Variants in TRAIP observed in about 807,000 individuals in gnomAD.
TRAIP encodes TRAF interacting protein.
A neutral mutation model predicts 65.0 loss-of-function variants in TRAIP; 37 were observed. The observed-to-expected ratio is 0.57, with a 90% CI of 0.44 to 0.75. The LOEUF (loss-of-function observed/expected upper bound fraction) is 0.75, where lower values mean the gene tolerates loss of function less well. Among genes scored for constraint, TRAIP ranks in the 30% least tolerant of loss-of-function variants. The pLI is 0.00. For synonymous variants in TRAIP, 187 were observed against 219.1 expected, an observed-to-expected ratio of 0.85 and a Z score of 1.29; for missense variants, 481 against 579.4, an observed-to-expected ratio of 0.83 and a Z score of 1.74.
chr3:49,837,101 A>G (rs1285478348), intron 10 of TRAIP, among the ~76,000 whole-genome samples: 2 of 151,626 alleles, frequency 1.3e-5, no homozygotes, highest in Non-Finnish European at 2.9e-5. Context: ...GGCCCAAGAA[A>G]ACTTAAGACT....
chr3:49,838,262 A>G (rs939922093), intron 10 of TRAIP, among the ~76,000 whole-genome samples: 2 of 152,238 alleles, frequency 1.3e-5, no homozygotes, highest in Admixed American at 1.3e-4. Flanking sequence ...CCCAGCTTAC[A>G]GAAGAAGGCT....
At chr3:49,846,584 T>C (rs1398464563) in intron 3 of TRAIP, among the ~76,000 whole-genome samples, 1 of 152,160 alleles carries the variant, frequency 6.6e-6, no homozygotes, top group Non-Finnish European at 1.5e-5. Context: ...GGGTTTACAG[T>C]CAAGCAGCTC....
At chr3:49,839,662 A>C (rs1676563005) in intron 10 of TRAIP, 110 bp downstream of exon 10, 1 of 992,730 alleles carries the variant, frequency 1.0e-6, no homozygotes. Context: ...CTGTCTGCAG[A>C]CATCAGGTCC....
intron 10 of TRAIP, among the ~76,000 whole-genome samples, chr3:49,838,170 C>A (rs1190103211): frequency 6.6e-6 from 1 of 152,200 alleles, no homozygotes; most frequent in African/African-American, 2.4e-5. Context: ...ACCCAGCCAA[C>A]CACTTCAATA....
At chr3:49,839,690 C>T (rs1433241095) in intron 10 of TRAIP, 82 bp downstream of exon 10, 5 of 1,324,814 alleles carry the variant, frequency 3.8e-6, no homozygotes, top group Non-Finnish European at 5.4e-6. Flanking sequence ...TCACCCACCC[C>T]ACCAAAGCCA....
intron 1 of TRAIP, among the ~76,000 whole-genome samples, chr3:49,854,781 G>A (rs2081957986): frequency 6.6e-6 from 1 of 152,164 alleles, no homozygotes; most frequent in Non-Finnish European, 1.5e-5. Context: ...CCAAGGCTGG[G>A]TGCGGTGGTT....
At position 49,839,910 on chromosome 3, in the gene TRAIP, C is replaced by T. The variant is rs762191331; in HGVS notation, c.796-50G>A. On this transcript the variant is annotated intron_variant, in intron 9 of 14. Transcript: ENST00000331456. The stretch of plus-strand genomic sequence containing the variant: ...TGAGAGAAAGGCTGAGGCATCAAGT[C>T]CGGAGATAATGCAGAGGACATGAGC... 9 of 1,572,450 alleles carry T rather than the reference C, an allele frequency of 5.7e-6. 1 individual carries two copies. In the East Asian group the frequency reaches 2.0e-4, roughly 35 times the overall value.
Position 49,829,641 on chromosome 3 carries a change from TG to T in TRAIP, c.1211del (p.Ser404Ter). ...LGQKQPKRPRSESSCSKDVVR... is the reference protein window; with the variant it reads ...LGQKQPKRPRXESSCSKDVVR... Reference sequence around the variant, plus strand: ...CCACATCTTTGCTGCAAGAGGACTCTGACCTGGGCCTCTTGGGCTGTTTCTG... The same window carrying T: ...CCACATCTTTGCTGCAAGAGGACTCTACCTGGGCCTCTTGGGCTGTTTCTG... On this transcript the variant is annotated frameshift_variant, in exon 13 of 15. Transcript: ENST00000331456. LOFTEE classifies it high-confidence loss of function. 6.2e-7 allele frequency: 1 copy of T among 1,614,178 alleles called. No individual in the cohort carries two copies.
chr3:49,829,992 G>C, intron 12 of TRAIP, 28 bp downstream of exon 12: 1 of 1,613,974 alleles, frequency 6.2e-7, no homozygotes, highest in Non-Finnish European at 8.5e-7. Flanking sequence ...CCAAAGGTTA[G>C]ACTGTGCTTC....
At chr3:49,839,580 CCT>C (rs1487943443) in intron 10 of TRAIP, 190 bp downstream of exon 10, 1 of 603,844 alleles carries the variant, frequency 1.7e-6, no homozygotes, top group African/African-American at 1.9e-5. Context: ...CCTTCTCTGG[CCT>C]CTCCGTGTCA....
At chr3:49,852,521 C>T (rs1402518378) in intron 1 of TRAIP, among the ~76,000 whole-genome samples, 3 of 152,040 alleles carry the variant, frequency 2.0e-5, no homozygotes, top group Admixed American at 6.5e-5. Flanking sequence ...TTTGGGAGGC[C>T]GAGGCAGGCA....
rs549204166 is a variant in TRAIP, at chr3:49,835,135, G to A, written c.885-3067C>T. Among the ~76,000 whole-genome samples the A allele has an allele frequency of 4.5e-4, 69 of 152,308 alleles. 1 individual carries two copies. The highest frequency in any genetic ancestry group is 2.9e-3 in the South Asian group (14 of 4,828). Reference sequence around the variant, plus strand: ...AGGTGGGAGGATCCCTTGAACCCAGGGGGTGGAGGTTGCAGTGAGCCGAGA... The same window carrying A: ...AGGTGGGAGGATCCCTTGAACCCAGAGGGTGGAGGTTGCAGTGAGCCGAGA... On this transcript the variant is annotated intron_variant, in intron 10 of 14. Transcript: ENST00000331456.
intron 1 of TRAIP, among the ~76,000 whole-genome samples, chr3:49,850,202 C>CTG (rs1553619634): frequency 6.6e-6 from 1 of 151,656 alleles, no homozygotes; most frequent in Non-Finnish European, 1.5e-5. Flanking sequence ...TCTATTTACA[C>CTG]AGTTTAAAAG....
chr3:49,843,971 C>T (rs1197817664), intron 4 of TRAIP, 43 bp from the exon 5 acceptor site: 5 of 1,567,724 alleles, frequency 3.2e-6, no homozygotes, highest in Non-Finnish European at 3.5e-6. Flanking sequence ...AAGGCCTGTC[C>T]ATCCATCAGC....
intron 8 of TRAIP, among the ~76,000 whole-genome samples, chr3:49,840,714 G>A (rs933803778): frequency 5.9e-5 from 9 of 152,254 alleles, no homozygotes; most frequent in African/African-American, 1.7e-4. Context: ...TCTCCAGCCA[G>A]CTGAGAGGTA....
intron 10 of TRAIP, among the ~76,000 whole-genome samples, chr3:49,836,500 A>G (rs2081788154): frequency 6.6e-6 from 1 of 150,606 alleles, no homozygotes; most frequent in South Asian, 2.1e-4. Context: ...CAAAAAAAAG[A>G]AAAGAAAAGA....
At chr3:49,833,627 C>A (rs1426447495) in intron 10 of TRAIP, among the ~76,000 whole-genome samples, 3 of 151,976 alleles carry the variant, frequency 2.0e-5, no homozygotes, top group Non-Finnish European at 4.4e-5. Context: ...CTACAGGCGC[C>A]CGCCACCACG....
rs764568621 is a variant in TRAIP, at chr3:49,830,044, C to T, written c.1062G>A (p.Lys354=). ...KSHSPIQDVP[K]KICKGPRKES... is the part of the protein sequence containing the mutation. ...CCTTCCTGGGGCCTTTGCATATCTTCTTGGGGACATCCTGAATTGGGGAGC... is the reference window on the plus strand; with the variant it reads ...CCTTCCTGGGGCCTTTGCATATCTTTTTGGGGACATCCTGAATTGGGGAGC... The change falls in exon 12 of 15, where the codon AAG becomes AAA. Residue 354 remains lysine, a synonymous_variant. Transcript: ENST00000331456. 6.2e-7 allele frequency: 1 copy of T among 1,614,148 alleles called. No homozygotes were observed. Among genetic ancestry groups the T allele is most frequent in the South Asian group, 1.1e-5 (1 of 91,090 alleles).
rs2108315565 is a variant in TRAIP, at chr3:49,840,913, C to T, written c.705+72G>A. On this transcript the variant is annotated intron_variant, in intron 8 of 14. Coordinates refer to ENST00000331456, the MANE Select transcript of TRAIP (RefSeq NM_005879.3). ...TGTGCCATCAGGTCCCATGGCCTTG[C>T]TCAGGAGACCAGAGTGAACATGACA... 8 of 1,443,672 alleles carry T rather than the reference C, an allele frequency of 5.5e-6. No homozygotes were observed. In the South Asian group the frequency reaches 9.2e-5, roughly 17 times the overall value. 89.4% of individuals were successfully genotyped at this position (1,443,672 alleles called of 1,614,324 possible).
Sources: allele counts gnomAD v4.1 joint callset (sites outside exome capture counted in the v4.1 genomes callset), GRCh38; gene constraint gnomAD v4.1.1; transcripts MANE v1.5; gene names NCBI Gene and HGNC (gene_info 2026-07-23, HGNC 2026-07-21).